The following DCTN4 variants were observed in gnomAD, a reference collection of about 807,000 sequenced individuals.
DCTN4 encodes dynactin 4 (p62).
A neutral mutation model predicts 62.7 loss-of-function variants in DCTN4; 23 were observed. That is an observed-to-expected ratio of 0.37 (90% CI 0.26 to 0.52). The LOEUF (loss-of-function observed/expected upper bound fraction) is 0.52, where lower values mean the gene tolerates loss of function less well. Ranked by LOEUF, DCTN4 falls within the 20% of genes least tolerant of loss-of-function variation. DCTN4 has a pLI of 0.92. For synonymous variants in DCTN4, 199 were observed against 202.1 expected, an observed-to-expected ratio of 0.98 and a Z score of 0.13; for missense variants, 514 against 580.4, an observed-to-expected ratio of 0.89 and a Z score of 1.18.
At chr5:150,714,492 C>A (rs1306700754) in intron 12 of DCTN4, among the ~76,000 whole-genome samples, 2 of 152,094 alleles carry the variant, frequency 1.3e-5, no homozygotes, top group African/African-American at 4.8e-5. Context: ...TTCTCCCACC[C>A]TGGTATCCTG....
At chr5:150,755,622 C>G (rs78491823) in intron 2 of DCTN4, 1 of 455,746 alleles carries the variant, frequency 2.2e-6, no homozygotes, top group African/African-American at 2.0e-5. Flanking sequence ...CTATAAAATA[C>G]CTCACCAGTA....
chr5:150,744,522 T>G (rs1356969363), intron 3 of DCTN4, among the ~76,000 whole-genome samples: 2 of 151,848 alleles, frequency 1.3e-5, no homozygotes, highest in Non-Finnish European at 2.9e-5. Flanking sequence ...AAGAAAAAAC[T>G]TAAAGGGCAG....
At chr5:150,715,766 A>C in intron 11 of DCTN4, 104 bp from the exon 12 acceptor site, 1 of 862,070 alleles carries the variant, frequency 1.2e-6, no homozygotes, top group Non-Finnish European at 1.9e-6. Flanking sequence ...AGCAAGTTTC[A>C]GGAAACATAT....
At position 150,731,486 on chromosome 5, in the gene DCTN4, T is replaced by C; in HGVS notation, c.541A>G (p.Lys181Glu). The C allele has an allele frequency of 6.2e-7, 1 of 1,613,010 alleles. No individual in the cohort carries two copies. Reference sequence around the variant, plus strand: ...TGAAGCCTGGTTCCAAGACCATATTTGTCCTAAACAAAGTTCAGAAATTCC... The same window carrying C: ...TGAAGCCTGGTTCCAAGACCATATTCGTCCTAAACAAAGTTCAGAAATTCC... ...RNYMPLAFSD[K>E]YGLGTRLQRP... Residue 181 changes from lysine to glutamate, a missense_variant, in exon 6 of 13, where the codon AAA becomes GAA. By Grantham distance (56) the Lys-to-Glu change is moderately conservative. Transcript: ENST00000447998.
At chr5:150,756,164 C>G (rs1421093021) in intron 2 of DCTN4, among the ~76,000 whole-genome samples, 1 of 151,724 alleles carries the variant, frequency 6.6e-6, no homozygotes, top group Non-Finnish European at 1.5e-5. Flanking sequence ...GCCTCAGCCT[C>G]CCAAGTAGCT....
At chr5:150,723,598 T>G (rs1008257177) in intron 8 of DCTN4, among the ~76,000 whole-genome samples, 9 of 152,216 alleles carry the variant, frequency 5.9e-5, no homozygotes, top group Non-Finnish European at 1.2e-4. Flanking sequence ...CCTCCCAAAG[T>G]GCTGGGATTA....
intron 3 of DCTN4, among the ~76,000 whole-genome samples, chr5:150,744,077 A>G (rs927166084): frequency 6.6e-6 from 1 of 152,218 alleles, no homozygotes; most frequent in Non-Finnish European, 1.5e-5. Flanking sequence ...AGAATAACCA[A>G]TACAGAGAAG....
At chr5:150,748,826 T>C (rs1336988329) in intron 3 of DCTN4, among the ~76,000 whole-genome samples, 3 of 144,012 alleles carry the variant, frequency 2.1e-5, no homozygotes, top group Non-Finnish European at 3.0e-5. Context: ...TTAGGAGATA[T>C]ACCTAATGCT....
At chr5:150,743,963 A>G (rs1314516811) in intron 3 of DCTN4, among the ~76,000 whole-genome samples, 2 of 152,218 alleles carry the variant, frequency 1.3e-5, no homozygotes, top group Admixed American at 6.5e-5. Flanking sequence ...GAGTTGAGAG[A>G]AGAAGGCTTC....
rs1759484323 is a variant in DCTN4 at position 150,709,434 on chromosome 5, T to C, written c.*1715A>G. ...CAAATATGGAGCAGTGATTTCACAG[T>C]AGGCTCTAGCAGGTAGTGAAATAAA... is the stretch of plus-strand genomic sequence containing the variant. On this transcript the variant is annotated 3_prime_UTR_variant, in exon 13 of 13. Coordinates refer to ENST00000447998, the MANE Select transcript of DCTN4 (RefSeq NM_016221.4). The C allele has an allele frequency of 6.6e-6, 1 of 152,352 alleles. No individual in the cohort carries two copies. The highest frequency in any genetic ancestry group is 6.5e-5 in the Admixed American group (1 of 15,282). 9.4% of individuals were successfully genotyped at this position (152,352 alleles called of 1,614,324 possible).
chr5:150,751,440 C>T (rs1274454894), intron 3 of DCTN4, among the ~76,000 whole-genome samples: 1 of 152,096 alleles, frequency 6.6e-6, no homozygotes, highest in African/African-American at 2.4e-5. Flanking sequence ...GAGTAACAAA[C>T]TGAGAAATCT....
chr5:150,757,752 CAATAA>C (rs1207673180), intron 1 of DCTN4, among the ~76,000 whole-genome samples: 4 of 152,066 alleles, frequency 2.6e-5, no homozygotes, highest in Non-Finnish European at 5.9e-5. Flanking sequence ...AAAGTATCTT[CAATAA>C]AATAAGTTAT....
At chr5:150,741,398 T>A (rs1056838203) in intron 4 of DCTN4, among the ~76,000 whole-genome samples, 1 of 152,192 alleles carries the variant, frequency 6.6e-6, no homozygotes, top group Non-Finnish European at 1.5e-5. Flanking sequence ...TACATACTTA[T>A]TCCTGGCCTC....
At chr5:150,728,483 G>C (rs1226431197) in intron 8 of DCTN4, among the ~76,000 whole-genome samples, 1 of 151,982 alleles carries the variant, frequency 6.6e-6, no homozygotes, top group Non-Finnish European at 1.5e-5. Context: ...TGTTCTCTCG[G>C]TTACTGAGAG....
At chr5:150,734,744 G>A (rs1760513358) in intron 4 of DCTN4, among the ~76,000 whole-genome samples, 1 of 152,238 alleles carries the variant, frequency 6.6e-6, no homozygotes, top group Non-Finnish European at 1.5e-5. Flanking sequence ...TTTTCAGCAA[G>A]TAGGCTTGTA....
intron 4 of DCTN4, chr5:150,734,364 A>G (rs1760497107): frequency 6.6e-6 from 1 of 152,222 alleles, no homozygotes. Flanking sequence ...GGAGAACCTA[A>G]AAATCCAGAT....
intron 5 of DCTN4, among the ~76,000 whole-genome samples, chr5:150,732,590 A>G (rs1452192235): frequency 4.6e-5 from 7 of 152,238 alleles, no homozygotes; most frequent in Non-Finnish European, 1.0e-4. Context: ...GATACTCCAC[A>G]GGATTTTTGT....
chr5:150,743,162 CAGG>C (rs1484079174), intron 3 of DCTN4: 1 of 152,780 alleles, frequency 6.5e-6, no homozygotes. Flanking sequence ...AACGGCGCAC[CAGG>C]AGATTATATC....
At chr5:150,713,451 T>G (rs184330420) in intron 12 of DCTN4, among the ~76,000 whole-genome samples, 1 of 150,036 alleles carries the variant, frequency 6.7e-6, no homozygotes, top group Admixed American at 6.6e-5. Flanking sequence ...TTTTCTTTTT[T>G]TTTTTTTTTT....
Sources: allele counts gnomAD v4.1 joint callset (sites outside exome capture counted in the v4.1 genomes callset), GRCh38; gene constraint gnomAD v4.1.1; transcripts MANE v1.5; gene names NCBI Gene and HGNC (gene_info 2026-07-23, HGNC 2026-07-21).